GRIA1: variants seen among roughly 807,000 people sequenced by gnomAD.
GRIA1 encodes the protein glutamate ionotropic receptor AMPA type subunit 1, also known as glutamate receptor 1.
In GRIA1, 31 loss-of-function variants were observed where a neutral mutation model predicts 99.2. The ratio of observed to expected loss-of-function variants is 0.31; its 90% CI spans 0.23 to 0.42. The LOEUF is 0.42. Ranked by LOEUF, GRIA1 falls within the 10% of genes least tolerant of loss-of-function variation. The pLI is 1.00. For missense variants in GRIA1, 782 were observed against 1,157.5 expected, an observed-to-expected ratio of 0.68 and a Z score of 4.71; for synonymous variants, 438 against 432.4, an observed-to-expected ratio of 1.01 and a Z score of -0.16.
intron 5 of GRIA1, among the ~76,000 whole-genome samples, chr5:153,666,157 A>G (rs1486061541): frequency 6.6e-6 from 1 of 152,172 alleles, no homozygotes; most frequent in Non-Finnish European, 1.5e-5. Context: ...GACAGGATTG[A>G]AGCTTATAAA....
chr5:153,779,663 C>T (rs951138932), intron 13 of GRIA1, among the ~76,000 whole-genome samples: 4 of 152,136 alleles, frequency 2.6e-5, no homozygotes, highest in African/African-American at 7.2e-5. Flanking sequence ...TGGAGGTTCA[C>T]GTGATTCTCC....
At position 153,737,335 on chromosome 5, in the gene GRIA1, C is replaced by T. The variant is rs143533750; in HGVS notation, c.1824-27099C>T. Among the ~76,000 whole-genome samples, 1,228 of 136,172 alleles carry T rather than the reference C, an allele frequency of 9.0e-3. 7 individuals are homozygous for T. The highest frequency in any genetic ancestry group is 0.016 in the South Asian group (61 of 3,812). The allele number at this position is 136,172 out of a possible 152,430, so 89.3% of individuals were successfully genotyped here. On this transcript the variant is annotated intron_variant, in intron 11 of 15. Transcript: ENST00000285900. ...AAAAAAGGGATACTCCATTTTTCCACATATGAAACAATTTGGAGCTCGGAA... is the reference window on the plus strand; with the variant it reads ...AAAAAAGGGATACTCCATTTTTCCATATATGAAACAATTTGGAGCTCGGAA...
chr5:153,569,669 T>C (rs75696923), intron 2 of GRIA1, among the ~76,000 whole-genome samples: 1,918 of 152,380 alleles, frequency 0.013, 48 homozygotes, highest in African/African-American at 0.044. Context: ...CAAGAGCATC[T>C]GCTGGTAACT....
At chr5:153,603,251 C>T (rs58180675) in intron 2 of GRIA1, among the ~76,000 whole-genome samples, 56 of 152,220 alleles carry the variant, frequency 3.7e-4, no homozygotes, top group African/African-American at 1.3e-3. Context: ...AGGACATGAA[C>T]TCATCATTTT....
chr5:153,720,833 A>C (rs986044379), intron 11 of GRIA1, among the ~76,000 whole-genome samples: 4 of 152,220 alleles, frequency 2.6e-5, no homozygotes, highest in Non-Finnish European at 4.4e-5. Context: ...TATTCTCCTT[A>C]GTACCATAAA....
chr5:153,673,272 G>A (rs192728856), intron 5 of GRIA1, among the ~76,000 whole-genome samples: 50 of 152,262 alleles, frequency 3.3e-4, no homozygotes, highest in Admixed American at 2.0e-3. Flanking sequence ...TCCTTGCGGA[G>A]GCTCATCCTC....
At chr5:153,762,578 C>T (rs1259828706) in intron 11 of GRIA1, among the ~76,000 whole-genome samples, 1 of 152,084 alleles carries the variant, frequency 6.6e-6, no homozygotes, top group Non-Finnish European at 1.5e-5. Context: ...TCCTGGTCTA[C>T]CTACTTATGA....
chr5:153,554,377 C>T (rs969511524), intron 2 of GRIA1, among the ~76,000 whole-genome samples: 2 of 152,176 alleles, frequency 1.3e-5, no homozygotes, highest in African/African-American at 4.8e-5. Flanking sequence ...TATCAAAGGA[C>T]TATGTGTATC....
chr5:153,590,283 C>G (rs372789424), intron 2 of GRIA1, among the ~76,000 whole-genome samples: 2 of 152,078 alleles, frequency 1.3e-5, no homozygotes, highest in East Asian at 3.9e-4. Flanking sequence ...GCATTATGGC[C>G]AAGCTTTATT....
rs192957011 is a variant in GRIA1, at chr5:153,794,515, C to G, written c.2271-106C>G. On this transcript the variant is annotated intron_variant, in intron 13 of 15. Coordinates refer to ENST00000285900, the MANE Select transcript of GRIA1 (RefSeq NM_000827.4). Reference sequence around the variant, plus strand: ...GGGCATCCTCAGGTCAAAGGGCAACCTGGCAGGCTGGGTAATGGAGCTGAT... The same window carrying G: ...GGGCATCCTCAGGTCAAAGGGCAACGTGGCAGGCTGGGTAATGGAGCTGAT... 5.8e-3 allele frequency: 4,514 copies of G among 771,968 alleles called. 138 individuals are homozygous for G. The highest frequency in any genetic ancestry group is 0.055 in the South Asian group (3,743 of 68,286). 47.8% of individuals were successfully genotyped at this position (771,968 alleles called of 1,614,324 possible). A position where few individuals can be genotyped will look rare whatever the true frequency, so the allele number is the denominator to read the frequency against.
chr5:153,505,351 T>TG (rs1755393734), intron 2 of GRIA1, among the ~76,000 whole-genome samples: 1 of 63,370 alleles, frequency 1.6e-5, no homozygotes, highest in Admixed American at 2.0e-4. Context: ...TCAAACTCCT[T>TG]GGGAAAAAAA....
At chr5:153,686,356 G>C in intron 8 of GRIA1, 27 bp downstream of exon 8, 1 of 1,543,652 alleles carries the variant, frequency 6.5e-7, no homozygotes, top group South Asian at 1.1e-5. Flanking sequence ...CTTCTGTTCT[G>C]CAGAGAGAAG....
intron 13 of GRIA1, among the ~76,000 whole-genome samples, chr5:153,793,888 C>G (rs553591400): frequency 3.3e-5 from 5 of 152,306 alleles, no homozygotes; most frequent in Non-Finnish European, 2.9e-5. Context: ...CACTGCCTTT[C>G]TCTTTTAAGC....
chr5:153,526,053 G>A (rs1340141455), intron 2 of GRIA1, among the ~76,000 whole-genome samples: 2 of 152,166 alleles, frequency 1.3e-5, no homozygotes, highest in Non-Finnish European at 2.9e-5. Context: ...AAAGGTCCTG[G>A]GTTTGCCTCA....
At chr5:153,706,970 T>A (rs2149522349) in intron 11 of GRIA1, among the ~76,000 whole-genome samples, 1 of 152,100 alleles carries the variant, frequency 6.6e-6, no homozygotes, top group South Asian at 2.1e-4. Flanking sequence ...AATAATAAAT[T>A]AGCTGGATGT....
intron 11 of GRIA1, among the ~76,000 whole-genome samples, chr5:153,726,295 T>C (rs1188915868): frequency 1.4e-5 from 2 of 147,436 alleles, no homozygotes; most frequent in Non-Finnish European, 1.5e-5. Context: ...GCAGGAAAGA[T>C]CCAAACTTCA....
At chr5:153,707,870 A>G (rs1215364907) in intron 11 of GRIA1, among the ~76,000 whole-genome samples, 1 of 152,092 alleles carries the variant, frequency 6.6e-6, no homozygotes, top group Non-Finnish European at 1.5e-5. Flanking sequence ...TGCTTGGCCA[A>G]TACTGGCAAA....
At chr5:153,794,208 T>A (rs1383597578) in intron 13 of GRIA1, among the ~76,000 whole-genome samples, 1 of 152,168 alleles carries the variant, frequency 6.6e-6, no homozygotes, top group East Asian at 1.9e-4. Context: ...CTCCCTACTT[T>A]GCCAAGTTGA....
chr5:153,653,726 G>T (rs1754738254), intron 4 of GRIA1, among the ~76,000 whole-genome samples: 1 of 152,134 alleles, frequency 6.6e-6, no homozygotes, highest in African/African-American at 2.4e-5. Flanking sequence ...TCAACTCAAT[G>T]AGGGCACAGA....
Sources: allele counts gnomAD v4.1 joint callset (sites outside exome capture counted in the v4.1 genomes callset), GRCh38; gene constraint gnomAD v4.1.1; transcripts MANE v1.5; gene names NCBI Gene and HGNC (gene_info 2026-07-23, HGNC 2026-07-21).